The following MAPK14 variants were observed in gnomAD, a reference collection of about 807,000 sequenced individuals.
MAPK14 encodes mitogen-activated protein kinase 14.
Under a neutral mutation model 49.6 loss-of-function variants are expected in MAPK14, and 16 were observed. That is an observed-to-expected ratio of 0.32 (90% CI 0.22 to 0.49). The LOEUF (loss-of-function observed/expected upper bound fraction) is 0.49, where lower values mean the gene tolerates loss of function less well. Ranked by LOEUF, MAPK14 falls within the 20% of genes least tolerant of loss-of-function variation. The pLI is 0.99. For missense variants in MAPK14, 200 were observed against 441.2 expected (o/e 0.45, Z 4.90); for synonymous variants, 142 against 158.0 (o/e 0.90, Z 0.76).
At chr6:36,086,892 A>G (rs963575478) in intron 8 of MAPK14, among the ~76,000 whole-genome samples, 3 of 152,240 alleles carry the variant, frequency 2.0e-5, no homozygotes, top group Admixed American at 6.5e-5. Flanking sequence ...AAAAATCCTC[A>G]GTAAAATACT....
intron 2 of MAPK14, among the ~76,000 whole-genome samples, chr6:36,054,807 A>G (rs182561832): frequency 1.3e-5 from 2 of 152,322 alleles, no homozygotes; most frequent in Admixed American, 6.5e-5. Flanking sequence ...TTCTTTTTTA[A>G]AAAATTACTG....
At chr6:36,074,227 G>A (rs1764427328) in intron 6 of MAPK14, 131 bp downstream of exon 6, 4 of 598,744 alleles carry the variant, frequency 6.7e-6, no homozygotes, top group Non-Finnish European at 1.1e-5. Context: ...TTTATTATCA[G>A]ACTTTGAAAT....
rs201937823 is a variant in MAPK14 at position 36,028,142 on chromosome 6, C to G, written c.-16C>G. On this transcript the variant is annotated 5_prime_UTR_variant, in exon 1 of 12. Transcript: ENST00000229794. This position sits in a 1 kb window ranked among gnomAD's most constrained non-coding sequence, Gnocchi z 5.1. ...CCCACAGGGCCACCTTCTTGCCCGG[C>G]GGCTGCCGCTGGAAAATGTCTCAGG... The G allele has an allele frequency of 4.0e-5, 64 of 1,591,068 alleles. No homozygotes were observed. The highest frequency in any genetic ancestry group is 5.3e-5 in the Non-Finnish European group (61 of 1,160,690).
chr6:36,095,311 C>T (rs751623925), intron 8 of MAPK14, among the ~76,000 whole-genome samples: 11 of 152,188 alleles, frequency 7.2e-5, no homozygotes, highest in Non-Finnish European at 1.6e-4. Context: ...CCTGTATTTG[C>T]GTTCTCATGG....
intron 11 of MAPK14, among the ~76,000 whole-genome samples, chr6:36,108,111 T>C (rs1765853194): frequency 6.6e-6 from 1 of 152,218 alleles, no homozygotes; most frequent in East Asian, 1.9e-4. Flanking sequence ...GTGAGAGTGC[T>C]CTTTCATTCT....
At chr6:36,087,955 G>A (rs769248720) in intron 8 of MAPK14, among the ~76,000 whole-genome samples, 3 of 152,120 alleles carry the variant, frequency 2.0e-5, no homozygotes, top group Non-Finnish European at 2.9e-5. Context: ...ACAGAATAGA[G>A]ATCTCAGAAA....
At chr6:36,071,269 G>A (rs1452660062) in intron 3 of MAPK14, among the ~76,000 whole-genome samples, 3 of 151,846 alleles carry the variant, frequency 2.0e-5, no homozygotes, top group Non-Finnish European at 2.9e-5. Flanking sequence ...GGAGGTGGAG[G>A]TTGCAGTGAG....
At position 36,111,083 on chromosome 6, in the gene MAPK14, C is replaced by T. The variant is rs575283767; in HGVS notation, c.*2636C>T. 1 of 152,070 alleles carries T rather than the reference C, an allele frequency of 6.6e-6. No individual in the cohort carries two copies. Among genetic ancestry groups the T allele is most frequent in the Non-Finnish European group, 1.5e-5 (1 of 68,026 alleles). 9.4% of individuals were successfully genotyped at this position (152,070 alleles called of 1,614,324 possible). On this transcript the variant is annotated 3_prime_UTR_variant, in exon 12 of 12. Transcript: ENST00000229794. ...TGTGGCCTGAGGGCCAAATCTGGCC[C>T]ACCACCTGTTTGGTGTAGCCTGCTA... is the stretch of plus-strand genomic sequence containing the variant.
intron 8 of MAPK14, chr6:36,092,612 C>A: frequency 2.4e-6 from 1 of 420,760 alleles, no homozygotes; most frequent in South Asian, 1.9e-5. Context: ...TATAGTGTTT[C>A]CATTCTGAGA....
chr6:36,073,057 A>G (rs1391140483), intron 4 of MAPK14, 73 bp downstream of exon 4: 1 of 920,098 alleles, frequency 1.1e-6, no homozygotes, highest in Non-Finnish European at 1.8e-6. Context: ...GCTTAAACAA[A>G]CAAGTAAACA....
At chr6:36,040,095 A>G (rs1762907630) in intron 1 of MAPK14, among the ~76,000 whole-genome samples, 1 of 152,012 alleles carries the variant, frequency 6.6e-6, no homozygotes, top group Non-Finnish European at 1.5e-5. Flanking sequence ...ATCTTGAAGC[A>G]TTTTAGGTTT....
chr6:36,071,390 G>A (rs990112131), intron 3 of MAPK14, among the ~76,000 whole-genome samples: 1 of 152,000 alleles, frequency 6.6e-6, no homozygotes, highest in African/African-American at 2.4e-5. Context: ...TGTTTCCATA[G>A]CTGTGTAATA....
chr6:36,103,088 G>A (rs906592677), intron 10 of MAPK14, among the ~76,000 whole-genome samples: 3 of 152,094 alleles, frequency 2.0e-5, no homozygotes, highest in Non-Finnish European at 4.4e-5. Context: ...CTGCTCTAAC[G>A]GTAGCTGCCG....
chr6:36,094,119 C>T (rs1765356249), intron 8 of MAPK14, among the ~76,000 whole-genome samples: 1 of 152,178 alleles, frequency 6.6e-6, no homozygotes, highest in East Asian at 1.9e-4. Context: ...TTTTACTTGT[C>T]AACATCTTGA....
rs1252695029 is a variant in MAPK14, at chr6:36,110,637, C to T, written c.*2190C>T. 1 of 152,514 alleles carries T rather than the reference C, an allele frequency of 6.6e-6. No homozygotes were observed. The highest frequency in any genetic ancestry group is 1.5e-5 in the Non-Finnish European group (1 of 68,016). The allele number at this position is 152,514 out of a possible 1,614,324, so 9.4% of individuals were successfully genotyped here. The stretch of plus-strand genomic sequence containing the variant: ...TCTCCTGATTTCTCTGAACAGAAAA[C>T]AAAAGAGAGAATGAGGGAAATTGCT... On this transcript the variant is annotated 3_prime_UTR_variant, in exon 12 of 12. Coordinates refer to ENST00000229794, the MANE Select transcript of MAPK14 (RefSeq NM_139012.3).
intron 8 of MAPK14, chr6:36,076,986 T>C (rs1274682836): frequency 6.2e-6 from 1 of 160,874 alleles, no homozygotes; most frequent in African/African-American, 2.4e-5. Flanking sequence ...CATTTATAAA[T>C]GAAGGGCATC....
Position 36,110,440 on chromosome 6 carries a change from T to C in MAPK14, c.*1993T>C, listed in dbSNP as rs1765932377. 1 of 152,718 alleles carries C rather than the reference T, an allele frequency of 6.5e-6. No individual in the cohort carries two copies. The highest frequency in any genetic ancestry group is 1.5e-5 in the Non-Finnish European group (1 of 68,054). The allele number at this position is 152,718 out of a possible 1,614,324, so 9.5% of individuals were successfully genotyped here. On this transcript the variant is annotated 3_prime_UTR_variant, in exon 12 of 12. Coordinates refer to ENST00000229794, the MANE Select transcript of MAPK14 (RefSeq NM_139012.3). The stretch of plus-strand genomic sequence containing the variant: ...CAAGATGAATTTTATCAGCCATGTT[T>C]GGTTGTAAATGCTCGTGTGATTTCC...
At chr6:36,064,714 C>A (rs1328294397) in intron 3 of MAPK14, among the ~76,000 whole-genome samples, 1 of 152,190 alleles carries the variant, frequency 6.6e-6, no homozygotes, top group Non-Finnish European at 1.5e-5. Context: ...TACATTTTAA[C>A]CTGATGTTGT....
chr6:36,120,521 A>G, the MAPK14 span, among the ~76,000 whole-genome samples: 7 of 150,204 alleles, frequency 4.7e-5, no homozygotes, highest in East Asian at 1.4e-3. Flanking sequence ...CCCCACCACC[A>G]CCGCCACCCC....
Sources: allele counts gnomAD v4.1 joint callset (sites outside exome capture counted in the v4.1 genomes callset), GRCh38; gene constraint gnomAD v4.1.1; non-coding constraint Gnocchi (gnomAD v3.1); transcripts MANE v1.5; gene names NCBI Gene and HGNC (gene_info 2026-07-23, HGNC 2026-07-21).